Variants in ZNF37A observed in about 807,000 individuals in gnomAD.
ZNF37A encodes zinc finger protein 37A.
In ZNF37A, 10 loss-of-function variants were observed where a neutral mutation model predicts 12.3. That is an observed-to-expected ratio of 0.82 (90% confidence interval 0.50 to 1.38). ZNF37A has a LOEUF of 1.38. ZNF37A is among the 40% of genes most tolerant of loss of function. The pLI, the probability that ZNF37A is intolerant of heterozygous loss-of-function variation, is 0.00. For missense variants in ZNF37A, 580 were observed against 651.2 expected (o/e 0.89, Z 1.19); for synonymous variants, 207 against 223.0 (o/e 0.93, Z 0.64).
chr10:38,148,929 C>T (rs1359005582), exon 8 of ZNF37A: 1 of 151,996 alleles, frequency 6.6e-6, no homozygotes, highest in Non-Finnish European at 1.5e-5. Flanking sequence ...CCTCTGCCTC[C>T]CAGGTTCAAG....
chr10:38,108,056 T>A (rs2068285084), intron 5 of ZNF37A, among the ~76,000 whole-genome samples: 1 of 152,174 alleles, frequency 6.6e-6, no homozygotes, highest in Non-Finnish European at 1.5e-5. Context: ...TATAGATTCT[T>A]CTCAGCACCA....
intron 7 of ZNF37A, among the ~76,000 whole-genome samples, chr10:38,131,882 C>A (rs895783901): frequency 6.6e-6 from 1 of 151,968 alleles, no homozygotes; most frequent in Non-Finnish European, 1.5e-5. Flanking sequence ...GTATTTAATT[C>A]TTTTTAGGTG....
chr10:38,117,498 A>T lies in ZNF37A; in HGVS notation c.347A>T (p.Glu116Val). 6.2e-7 allele frequency: 1 copy of T among 1,613,132 alleles called. No individual in the cohort carries two copies. Among genetic ancestry groups the T allele is most frequent in the Non-Finnish European group, 8.5e-7 (1 of 1,179,722 alleles). Reference sequence around the variant, plus strand: ...CATGAAATAATTCATTCTGAAGAGGAACCTTCTGAATATAATAAAAATGGG... The same window carrying T: ...CATGAAATAATTCATTCTGAAGAGGTACCTTCTGAATATAATAAAAATGGG... ...EKHEIIHSEE[E>V]PSEYNKNGNS... Residue 116 changes from glutamate to valine, a missense_variant, in exon 8 of 8, where the codon GAA (glutamate) becomes GTA (valine). Transcript: ENST00000685332.
At chr10:38,131,614 T>G (rs1214678263) in intron 7 of ZNF37A, among the ~76,000 whole-genome samples, 6 of 152,148 alleles carry the variant, frequency 3.9e-5, no homozygotes, top group Non-Finnish European at 8.8e-5. Flanking sequence ...TACCCCAAAT[T>G]TATTCATCTT....
intron 5 of ZNF37A, among the ~76,000 whole-genome samples, chr10:38,109,935 T>G (rs2068489727): frequency 6.6e-6 from 1 of 152,144 alleles, no homozygotes; most frequent in Non-Finnish European, 1.5e-5. Context: ...ATTTATAGAT[T>G]CAAGCTATCC....
chr10:38,095,230 A>G lies in ZNF37A; in HGVS notation c.-198+6A>G, dbSNP rs547525080. On this transcript the variant is annotated splice_donor_region_variant and intron_variant, in intron 2 of 7. Transcript: ENST00000685332. Reference sequence around the variant, plus strand: ...AGCAAAGCAGCTGTTGTGGGGTAAGAAGGGAAGGGTGGGGGGCGAGGGCCC... The same window carrying G: ...AGCAAAGCAGCTGTTGTGGGGTAAGGAGGGAAGGGTGGGGGGCGAGGGCCC... 1 of 152,450 alleles carries G rather than the reference A, an allele frequency of 6.6e-6. No homozygotes were observed. The highest frequency in any genetic ancestry group is 1.5e-5 in the Non-Finnish European group (1 of 68,174). 9.4% of individuals were successfully genotyped at this position (152,450 alleles called of 1,614,324 possible).
intron 7 of ZNF37A, among the ~76,000 whole-genome samples, chr10:38,135,860 C>T (rs988089898): frequency 1.3e-5 from 2 of 152,170 alleles, no homozygotes; most frequent in African/African-American, 4.8e-5. Context: ...TCAATTACCT[C>T]CCACCAGTCC....
chr10:38,119,086 C>T lies in ZNF37A; in HGVS notation c.*249C>T. The T allele has an allele frequency of 8.6e-7, 1 of 1,164,068 alleles. No individual in the cohort carries two copies. 72.1% of individuals were successfully genotyped at this position (1,164,068 alleles called of 1,614,324 possible). A position where few individuals can be genotyped will look rare whatever the true frequency, so the allele number is the denominator to read the frequency against. The stretch of plus-strand genomic sequence containing the variant: ...AATATAGGAAACATTTTGCCCAATG[C>T]CACTCTTCATTAAACATCAGAGAAT... On this transcript the variant is annotated 3_prime_UTR_variant, in exon 8 of 8. Transcript: ENST00000685332.
At chr10:38,112,788 TTCTTTTC>T (rs2068899409) in intron 5 of ZNF37A, among the ~76,000 whole-genome samples, 1 of 111,346 alleles carries the variant, frequency 9.0e-6, no homozygotes, top group Non-Finnish European at 2.0e-5. Context: ...TTCTTTTCTT[TTCTTTTC>T]TTGTCTTGTC....
chr10:38,108,845 G>A (rs2068374182), intron 5 of ZNF37A, among the ~76,000 whole-genome samples: 1 of 152,072 alleles, frequency 6.6e-6, no homozygotes, highest in Admixed American at 6.5e-5. Context: ...GTAAATAATA[G>A]CCTACCAACC....
chr10:38,118,738 A>G lies in ZNF37A; in HGVS notation c.1587A>G (p.Gly529=), dbSNP rs779246682. ...GEKPYECNVC[G]KSFYVKSKLT... ...AACCCTATGAATGTAATGTTTGTGG[A>G]AAATCATTCTATGTTAAGTCAAAAC... is the stretch of plus-strand genomic sequence containing the variant. The change falls in exon 8 of 8, where the codon GGA becomes GGG. Residue 529 remains glycine (G), a synonymous_variant. Coordinates refer to ENST00000685332, the MANE Select transcript of ZNF37A (RefSeq NM_001324250.3). 5 of 1,613,874 alleles carry G rather than the reference A, an allele frequency of 3.1e-6. No individual in the cohort carries two copies. In the South Asian group the frequency reaches 5.5e-5, roughly 18 times the overall value.
intron 7 of ZNF37A, chr10:38,138,163 G>A (rs1329502501): frequency 6.6e-6 from 1 of 152,128 alleles, no homozygotes; most frequent in African/African-American, 2.4e-5. Context: ...GCCTTGCTTT[G>A]CCATTAGTAA....
At chr10:38,125,909 C>T (rs1463692998), downstream of ZNF37A, among the ~76,000 whole-genome samples, 3 of 152,114 alleles carry the variant, frequency 2.0e-5, no homozygotes, top group Non-Finnish European at 4.4e-5. Context: ...CCTCAGCTTT[C>T]GGTCATAGCA....
intron 7 of ZNF37A, among the ~76,000 whole-genome samples, chr10:38,134,543 G>A (rs2070078972): frequency 6.6e-6 from 1 of 152,204 alleles, no homozygotes; most frequent in South Asian, 2.1e-4. Flanking sequence ...GTCTGTTGGA[G>A]TTTGCTGGAG....
At position 38,114,788 on chromosome 10, in the gene ZNF37A, T is replaced by C. The variant is rs749159052; in HGVS notation, c.49T>C (p.Phe17Leu). 5 of 1,613,890 alleles carry C rather than the reference T, an allele frequency of 3.1e-6. No individual in the cohort carries two copies. The highest frequency in any genetic ancestry group is 1.6e-4 in the Middle Eastern group (1 of 6,082). The change falls in exon 6 of 8, where the codon TTC becomes CTC. Residue 17 changes from phenylalanine (F) to leucine (L), a missense_variant. Transcript: ENST00000685332. ...SVSFRDVTVGFTQEEWQHLDP... is the reference protein window; with the variant it reads ...SVSFRDVTVGLTQEEWQHLDP... ...GTCGTTTAGGGATGTGACTGTGGGC[T>C]TCACTCAAGAGGAGTGGCAGCATCT...
intron 7 of ZNF37A, among the ~76,000 whole-genome samples, chr10:38,136,992 A>G (rs1474077176): frequency 6.6e-6 from 1 of 152,082 alleles, no homozygotes; most frequent in African/African-American, 2.4e-5. Context: ...CTTGGCTTTT[A>G]TAATTTTATA....
In ZNF37A at chr10:38,120,008, G is replaced by A. The variant is rs1250738026; in HGVS notation, c.*1171G>A. 2 of 152,248 alleles carry A rather than the reference G, an allele frequency of 1.3e-5. No individual in the cohort carries two copies. Among genetic ancestry groups the A allele is most frequent in the African/African-American group, 4.8e-5 (2 of 41,472 alleles). 9.4% of individuals were successfully genotyped at this position (152,248 alleles called of 1,614,324 possible). ...CTGCAGATGTCTAACACATAAGCCA[G>A]GACATTCTGCTGTGAGTGACTTATT... On this transcript the variant is annotated 3_prime_UTR_variant, in exon 8 of 8. Coordinates refer to ENST00000685332, the MANE Select transcript of ZNF37A (RefSeq NM_001324250.3).
rs1431093298 is a variant in ZNF37A at position 38,108,280 on chromosome 10, T to TA, written c.16-6470dup. The stretch of plus-strand genomic sequence containing the variant: ...GTAAATAATGAAATTAAGGCAGAAA[T>TA]AAAAAGTTATTTGAAACCAATGAGA... On this transcript the variant is annotated intron_variant, in intron 5 of 7. Transcript: ENST00000685332. Among the ~76,000 whole-genome samples, 9 of 151,968 alleles carry TA rather than the reference T, an allele frequency of 5.9e-5. No homozygotes were observed. In the East Asian group the frequency reaches 1.7e-3, roughly 29 times the overall value.
intron 5 of ZNF37A, among the ~76,000 whole-genome samples, chr10:38,107,870 A>G (rs1306357681): frequency 6.6e-6 from 1 of 152,222 alleles, no homozygotes; most frequent in East Asian, 1.9e-4. Context: ...TTAGAGACCT[A>G]CAAAGACACT....
Sources: allele counts gnomAD v4.1 joint callset (sites outside exome capture counted in the v4.1 genomes callset), GRCh38; gene constraint gnomAD v4.1.1; transcripts MANE v1.5; gene names NCBI Gene and HGNC (gene_info 2026-07-23, HGNC 2026-07-21).